Variants in DHRSX observed in about 807,000 individuals in gnomAD.
DHRSX encodes the protein polyprenol dehydrogenase.
A neutral mutation model predicts 34.0 loss-of-function variants in DHRSX; 31 were observed. The ratio of observed to expected loss-of-function variants is 0.91; its 90% CI spans 0.69 to 1.23. The LOEUF is 1.23. DHRSX is among the 50% of genes most tolerant of loss of function. The probability of loss-of-function intolerance (pLI) is 0.00; values close to 1 mark genes in which losing one functional copy is unlikely to be tolerated. For missense variants in DHRSX, 414 were observed against 428.1 expected, an observed-to-expected ratio of 0.97 and a Z score of 0.29; for synonymous variants, 201 against 183.8, an observed-to-expected ratio of 1.09 and a Z score of -0.76.
At chrX:2,458,212 A>C (rs1259590062) in intron 1 of DHRSX, among the ~76,000 whole-genome samples, 4 of 152,078 alleles carry the variant, frequency 2.6e-5, no homozygotes, top group Non-Finnish European at 5.9e-5. Flanking sequence ...ACGTTCCCTA[A>C]GAATGTGGCC....
At chrX:2,450,313 T>C in intron 1 of DHRSX, among the ~76,000 whole-genome samples, 1 of 152,158 alleles carries the variant, frequency 6.6e-6, no homozygotes, top group Non-Finnish European at 1.5e-5. Context: ...ATATTATTTC[T>C]TGACACAACA....
At chrX:2,301,185 G>A (rs1315215612) in intron 3 of DHRSX, among the ~76,000 whole-genome samples, 3 of 152,192 alleles carry the variant, frequency 2.0e-5, no homozygotes, top group Non-Finnish European at 4.4e-5. Flanking sequence ...AGGCTGAGGC[G>A]GGCGATCACC....
chrX:2,486,040 A>G (rs181272964), intron 1 of DHRSX, among the ~76,000 whole-genome samples: 13 of 151,136 alleles, frequency 8.6e-5, no homozygotes, highest in African/African-American at 2.7e-4. Context: ...GAGGGGTGAT[A>G]AGGAGGCTGG....
chrX:2,426,148 C>T (rs2043844190), intron 1 of DHRSX, among the ~76,000 whole-genome samples: 1 of 152,042 alleles, frequency 6.6e-6, no homozygotes, highest in Non-Finnish European at 1.5e-5. Context: ...GGGGCAGGGT[C>T]TCTAGGGTTG....
At chrX:2,233,740 TG>T (rs921003213) in intron 6 of DHRSX, among the ~76,000 whole-genome samples, 41 of 151,238 alleles carry the variant, frequency 2.7e-4, no homozygotes, top group Non-Finnish European at 5.6e-4. Context: ...ACATGGGCAG[TG>T]GGTGGATGGT....
At chrX:2,298,456 C>T (rs62595540) in intron 3 of DHRSX, among the ~76,000 whole-genome samples, 90,514 of 149,488 alleles carry the variant, frequency 0.61, 29,202 homozygotes, top group Middle Eastern at 0.74. Flanking sequence ...TAGTGAACAA[C>T]ACCAGAAAAG....
chrX:2,489,348 T>C (rs868415964), intron 1 of DHRSX: 1 of 1,613,764 alleles, frequency 6.2e-7, no homozygotes. Flanking sequence ...TCCTGGTAGG[T>C]CTTGGAAAGC....
At chrX:2,232,634 A>C (rs1329457164) in intron 6 of DHRSX, among the ~76,000 whole-genome samples, 2 of 151,830 alleles carry the variant, frequency 1.3e-5, no homozygotes, top group Non-Finnish European at 2.9e-5. Context: ...GTGCAGTGGC[A>C]TGATCTTGGC....
intron 5 of DHRSX, 33 bp from the exon 6 acceptor site, chrX:2,243,263 T>C (rs1214540082): frequency 1.9e-6 from 3 of 1,595,964 alleles, no homozygotes; most frequent in Middle Eastern, 1.8e-4. Flanking sequence ...TGTAAGAGGC[T>C]GACGGCGTTC....
intron 3 of DHRSX, among the ~76,000 whole-genome samples, chrX:2,384,904 G>A (rs183497831): frequency 0.047 from 6,770 of 145,432 alleles, 475 homozygotes; most frequent in African/African-American, 0.16. Flanking sequence ...AAAACTTAAA[G>A]TATAATAATA....
At position 2,264,856 on chromosome X, in the gene DHRSX, C is replaced by T. The variant is rs1945843522; in HGVS notation, c.596+1884G>A. ...AGCACCGTTCTCAGAGCACCCATGC[C>T]CAGCAGATGCAGGGAGCACTATGCC... On this transcript the variant is annotated intron_variant, in intron 5 of 6. Coordinates refer to ENST00000334651, the MANE Select transcript of DHRSX (RefSeq NM_145177.3). 2.7e-5 allele frequency among the ~76,000 whole-genome samples: 4 copies of T among 150,762 alleles called. No individual in the cohort carries two copies. The South Asian group carries it at 6.4e-4, about 24-fold the overall frequency.
chrX:2,237,479 A>AT (rs376329210), intron 6 of DHRSX, among the ~76,000 whole-genome samples: 15 of 151,714 alleles, frequency 9.9e-5, no homozygotes, highest in African/African-American at 2.9e-4. Flanking sequence ...GGTGGAGCTG[A>AT]TACACTCAGC....
At chrX:2,319,191 C>A (rs1029004882) in intron 3 of DHRSX, among the ~76,000 whole-genome samples, 2 of 151,376 alleles carry the variant, frequency 1.3e-5, no homozygotes, top group Admixed American at 6.6e-5. Context: ...CGAGATGACT[C>A]CTCCTCCCTC....
intron 3 of DHRSX, among the ~76,000 whole-genome samples, chrX:2,336,848 T>TATAC (rs1556479869): frequency 1.3e-5 from 2 of 151,458 alleles, no homozygotes; most frequent in African/African-American, 4.8e-5. Flanking sequence ...GATAGATAGA[T>TATAC]ATAGATAGAT....
intron 1 of DHRSX, among the ~76,000 whole-genome samples, chrX:2,457,987 G>C: frequency 6.8e-6 from 1 of 146,962 alleles, no homozygotes; most frequent in Middle Eastern, 4.3e-3. Flanking sequence ...GACCACCGCA[G>C]TGTGCACACT....
At chrX:2,271,025 C>T (rs1321862718) in intron 4 of DHRSX, among the ~76,000 whole-genome samples, 1 of 152,190 alleles carries the variant, frequency 6.6e-6, no homozygotes, top group Non-Finnish European at 1.5e-5. Context: ...AAGCTGGCCA[C>T]CTGAGCCAGC....
At chrX:2,437,200 C>G (rs1178449745) in intron 1 of DHRSX, among the ~76,000 whole-genome samples, 1 of 152,036 alleles carries the variant, frequency 6.6e-6, no homozygotes, top group African/African-American at 2.4e-5. Context: ...GGAGTTTCAC[C>G]GTGTTAGCCA....
intron 2 of DHRSX, among the ~76,000 whole-genome samples, chrX:2,411,554 C>CAAAAAAA (rs774788900): frequency 1.8e-5 from 1 of 55,554 alleles, no homozygotes; most frequent in African/African-American, 6.9e-5. Context: ...AACTCTGTCC[C>CAAAAAAA]AAAAAAAAAA....
chrX:2,343,692 C>T (rs34027812), intron 3 of DHRSX, among the ~76,000 whole-genome samples: 90,620 of 152,018 alleles, frequency 0.6, 28,084 homozygotes, highest in African/African-American at 0.74. Context: ...CCACTGATGG[C>T]CCTCCAGGGC....
Sources: allele counts gnomAD v4.1 joint callset (sites outside exome capture counted in the v4.1 genomes callset), GRCh38; gene constraint gnomAD v4.1.1; transcripts MANE v1.5; gene names NCBI Gene and HGNC (gene_info 2026-07-23, HGNC 2026-07-21).